The following RHEB variants were observed in gnomAD, a reference collection of about 807,000 sequenced individuals.
RHEB encodes Ras homolog, mTORC1 binding.
RHEB carries 2 observed loss-of-function variants against 28.8 expected under a neutral mutation model. That is an observed-to-expected ratio of 0.07 (90% CI 0.03 to 0.22). The LOEUF (loss-of-function observed/expected upper bound fraction) is 0.22, where lower values mean the gene tolerates loss of function less well. RHEB is among the 10% of genes least tolerant of loss of function. RHEB has a pLI of 1.00. For synonymous variants in RHEB, 69 were observed against 77.3 expected, an observed-to-expected ratio of 0.89 and a Z score of 0.56; for missense variants, 76 against 219.9, an observed-to-expected ratio of 0.35 and a Z score of 4.14.
intron 1 of RHEB, among the ~76,000 whole-genome samples, chr7:151,493,959 A>G (rs1195060980): frequency 6.6e-6 from 1 of 152,188 alleles, no homozygotes; most frequent in East Asian, 1.9e-4. Flanking sequence ...TTAATTAGAA[A>G]GAAAGAAGGG....
intron 1 of RHEB, among the ~76,000 whole-genome samples, chr7:151,510,369 G>A (rs1802960307): frequency 6.6e-6 from 1 of 152,182 alleles, no homozygotes; most frequent in African/African-American, 2.4e-5. Flanking sequence ...CTTAACAACA[G>A]TTTGACATTG....
chr7:151,485,075 T>C (rs112150932), intron 2 of RHEB, among the ~76,000 whole-genome samples: 1 of 152,234 alleles, frequency 6.6e-6, no homozygotes, highest in Non-Finnish European at 1.5e-5. Context: ...TATCCTATAA[T>C]AGTAATTTGA....
chr7:151,488,097 T>C (rs1210097826), intron 2 of RHEB, among the ~76,000 whole-genome samples: 3 of 152,218 alleles, frequency 2.0e-5, no homozygotes, highest in Non-Finnish European at 2.9e-5. Flanking sequence ...AAGTCGGAAA[T>C]TGCTGCTATG....
intron 1 of RHEB, among the ~76,000 whole-genome samples, chr7:151,513,975 G>C (rs535093018): frequency 9.8e-4 from 149 of 152,286 alleles, no homozygotes; most frequent in African/African-American, 3.5e-3. Context: ...AATAAAGTTA[G>C]AGGACTCATA....
At chr7:151,485,338 G>A (rs1474697475) in intron 2 of RHEB, among the ~76,000 whole-genome samples, 2 of 152,204 alleles carry the variant, frequency 1.3e-5, no homozygotes, top group Non-Finnish European at 2.9e-5. Context: ...TTAAGCTTAA[G>A]GATCCAAGCA....
At chr7:151,491,256 A>G (rs1367488214) in intron 1 of RHEB, among the ~76,000 whole-genome samples, 2 of 152,236 alleles carry the variant, frequency 1.3e-5, no homozygotes, top group Non-Finnish European at 2.9e-5. Flanking sequence ...ACATTAACAA[A>G]TATTACTGAC....
chr7:151,486,265 T>C (rs951569925), intron 2 of RHEB, among the ~76,000 whole-genome samples: 1 of 152,164 alleles, frequency 6.6e-6, no homozygotes, highest in African/African-American at 2.4e-5. Flanking sequence ...GTAACTGCAG[T>C]TATCAAGTAT....
chr7:151,484,706 A>G (rs778037441), intron 3 of RHEB, 31 bp downstream of exon 3: 11 of 1,489,558 alleles, frequency 7.4e-6, no homozygotes, highest in Middle Eastern at 1.7e-4. Context: ...GATATGCTGT[A>G]TAAGATTCTG....
chr7:151,479,800 A>G (rs1802350059), intron 3 of RHEB, among the ~76,000 whole-genome samples: 1 of 152,300 alleles, frequency 6.6e-6, no homozygotes, highest in South Asian at 2.1e-4. Context: ...AAAACTGTGC[A>G]TCTCAGATCA....
chr7:151,479,776 G>A (rs1176671008), intron 3 of RHEB, among the ~76,000 whole-genome samples: 3 of 149,532 alleles, frequency 2.0e-5, no homozygotes, highest in Non-Finnish European at 3.0e-5. Context: ...ATAAATAAAA[G>A]ACAAACTGAA....
At position 151,471,541 on chromosome 7, in the gene RHEB, C is replaced by T; in HGVS notation, c.332+8G>A. ...TCTCTAACAAGCAGATAAAATGGTACTACTTACTGTACTTTCCCCACCATA... is the reference window on the plus strand; with the variant it reads ...TCTCTAACAAGCAGATAAAATGGTATTACTTACTGTACTTTCCCCACCATA... On this transcript the variant is annotated splice_region_variant and intron_variant, in intron 5 of 7. Coordinates refer to ENST00000262187, the MANE Select transcript of RHEB (RefSeq NM_005614.4). 1 of 1,600,272 alleles carries T rather than the reference C, an allele frequency of 6.2e-7. No homozygotes were observed. The highest frequency in any genetic ancestry group is 8.5e-7 in the Non-Finnish European group (1 of 1,169,842).
chr7:151,496,803 A>G (rs1266802401), intron 1 of RHEB, among the ~76,000 whole-genome samples: 4 of 152,054 alleles, frequency 2.6e-5, no homozygotes, highest in African/African-American at 7.2e-5. Context: ...TTTTTGAGAC[A>G]GAGTCTTGCT....
At chr7:151,498,177 G>A (rs1802706784) in intron 1 of RHEB, 1 of 1,289,166 alleles carries the variant, frequency 7.8e-7, no homozygotes, top group Non-Finnish European at 1.0e-6. Flanking sequence ...CTGGCTTGAG[G>A]AACCTTCAAG....
At position 151,472,541 on chromosome 7, in the gene RHEB, C is replaced by G. The variant is rs1190379207; in HGVS notation, c.276-936G>C. ...TACAGGCGTGAGCCACCACACCCAG[C>G]CTCAAATGTCACTTCTTACACCTCT... On this transcript the variant is annotated intron_variant, in intron 4 of 7. Coordinates refer to ENST00000262187, the MANE Select transcript of RHEB (RefSeq NM_005614.4). This position sits in a 1 kb window ranked among gnomAD's most constrained non-coding sequence, Gnocchi z 5.2. 6.6e-6 allele frequency among the ~76,000 whole-genome samples: 1 copy of G among 152,210 alleles called. No individual in the cohort carries two copies. Among genetic ancestry groups the G allele is most frequent in the Admixed American group, 6.5e-5 (1 of 15,288 alleles).
In RHEB at chr7:151,468,267, C is replaced by T. The variant is rs1218872635; in HGVS notation, c.463-1056G>A. 1.3e-5 allele frequency among the ~76,000 whole-genome samples: 2 copies of T among 152,256 alleles called. No homozygotes were observed. Among genetic ancestry groups the T allele is most frequent in the African/African-American group, 4.8e-5 (2 of 41,480 alleles). The stretch of plus-strand genomic sequence containing the variant: ...CCCCACAAGGGGCCTGATTTGTTGA[C>T]CCTATTATTACATCTCCCCTGTCCC... On this transcript the variant is annotated intron_variant, in intron 7 of 7. Coordinates refer to ENST00000262187, the MANE Select transcript of RHEB (RefSeq NM_005614.4). This position sits in a 1 kb window ranked among gnomAD's most constrained non-coding sequence, Gnocchi z 4.3.
chr7:151,467,617 T>A (rs971089563), intron 7 of RHEB, among the ~76,000 whole-genome samples: 1 of 152,092 alleles, frequency 6.6e-6, no homozygotes, highest in African/African-American at 2.4e-5. Flanking sequence ...CCCTTGCCTC[T>A]CACATCCTTG....
intron 1 of RHEB, among the ~76,000 whole-genome samples, chr7:151,506,062 A>G (rs1802872018): frequency 6.6e-6 from 1 of 152,182 alleles, no homozygotes; most frequent in South Asian, 2.1e-4. Context: ...GAGGTTACAT[A>G]GGTGCATAAA....
In RHEB at chr7:151,476,681, C is replaced by T. The variant is rs1157742084; in HGVS notation, c.275+652G>A. ...CAATAGATGCTACGTAGCCACCAAACGCCCTCCACTGGCACTGATATTTTC... is the reference window on the plus strand; with the variant it reads ...CAATAGATGCTACGTAGCCACCAAATGCCCTCCACTGGCACTGATATTTTC... On this transcript the variant is annotated intron_variant, in intron 4 of 7. Coordinates refer to ENST00000262187, the MANE Select transcript of RHEB (RefSeq NM_005614.4). 3.3e-5 allele frequency among the ~76,000 whole-genome samples: 5 copies of T among 152,190 alleles called. No individual in the cohort carries two copies. In the East Asian group the frequency reaches 5.8e-4, roughly 18 times the overall value.
chr7:151,475,280 A>C (rs1196858334), intron 4 of RHEB, among the ~76,000 whole-genome samples: 2 of 152,252 alleles, frequency 1.3e-5, no homozygotes, highest in Non-Finnish European at 2.9e-5. Flanking sequence ...GACTTAAAAA[A>C]AATCAGTGGA....
Sources: gnomAD v4.1 joint callset for allele counts (sites outside exome capture counted in the v4.1 genomes callset) on GRCh38, gnomAD v4.1.1 for gene constraint, Gnocchi (gnomAD v3.1) non-coding constraint, MANE v1.5 for transcripts, NCBI Gene and HGNC (gene_info 2026-07-23, HGNC 2026-07-21) for gene names.